The following TNN variants were observed in gnomAD, a reference collection of about 807,000 sequenced individuals.
The protein encoded by TNN is tenascin-N.
A neutral mutation model predicts 134.4 loss-of-function variants in TNN; 122 were observed. The ratio of observed to expected loss-of-function variants is 0.91; its 90% confidence interval spans 0.78 to 1.06. The LOEUF is 1.06. Among genes scored for constraint, TNN ranks in the 50% least tolerant of loss-of-function variants. TNN has a pLI of 0.00. For missense variants in TNN, 1,739 were observed against 1,699.4 expected, an observed-to-expected ratio of 1.02 and a Z score of -0.41; for synonymous variants, 710 against 670.3, an observed-to-expected ratio of 1.06 and a Z score of -0.91.
At chr1:175,082,562 CA>C (rs1178883257) in intron 4 of TNN, among the ~76,000 whole-genome samples, 1 of 152,156 alleles carries the variant, frequency 6.6e-6, no homozygotes, top group Non-Finnish European at 1.5e-5. Flanking sequence ...CAGCACCTGG[CA>C]GATGGAAGCC....
intron 1 of TNN, 132 bp downstream of exon 1, chr1:175,068,067 A>G (rs1279124131): frequency 2.5e-6 from 1 of 403,654 alleles, no homozygotes; most frequent in Non-Finnish European, 5.0e-6. Flanking sequence ...TTAGTCTCCT[A>G]TCACCTCCAT....
At chr1:175,107,201 T>C (rs892997917) in intron 9 of TNN, among the ~76,000 whole-genome samples, 1 of 146,264 alleles carries the variant, frequency 6.8e-6, no homozygotes, top group African/African-American at 2.5e-5. Flanking sequence ...GTGGCGCATC[T>C]GGAGTCTGTC....
chr1:175,133,107 T>C (rs1317257102), intron 15 of TNN, among the ~76,000 whole-genome samples: 1 of 152,232 alleles, frequency 6.6e-6, no homozygotes, highest in East Asian at 1.9e-4. Flanking sequence ...GAATCATTCC[T>C]GAGGTTAGCT....
rs1676021293 is a variant in TNN, at chr1:175,144,612, A to G, written c.3759+62A>G. On this transcript the variant is annotated intron_variant, in intron 18 of 18. Transcript: ENST00000239462. ...ATGTCCATATTCAGCTTCCAAATGG[A>G]CACCCTCCAGGCCAGTCTGGCAGCC... The G allele has an allele frequency of 1.0e-5, 16 of 1,550,420 alleles. 1 individual carries two copies. In the South Asian group the frequency reaches 1.8e-4, roughly 17 times the overall value.
rs1257481662 is a variant in TNN, at chr1:175,077,422, A to C, written c.4A>C (p.Ser2Arg). M[S>R]LQEMFRFPMG... ...TCTGCTCCCTGTCTTTCCAAGGATGAGTCTCCAGGAGATGTTCCGCTTCCC... is the reference window on the plus strand; with the variant it reads ...TCTGCTCCCTGTCTTTCCAAGGATGCGTCTCCAGGAGATGTTCCGCTTCCC... The change falls in exon 2 of 19, where the codon AGT becomes CGT. Residue 2 changes from serine (S) to arginine (R), a missense_variant. Ser to Arg is a moderately radical substitution (Grantham distance 110). Coordinates refer to ENST00000239462, the MANE Select transcript of TNN (RefSeq NM_022093.2). 1 of 1,609,684 alleles carries C rather than the reference A, an allele frequency of 6.2e-7. No individual in the cohort carries two copies. The highest frequency in any genetic ancestry group is 1.1e-5 in the South Asian group (1 of 90,908).
intron 17 of TNN, among the ~76,000 whole-genome samples, chr1:175,140,969 G>A (rs1183220146): frequency 6.6e-6 from 1 of 152,138 alleles, no homozygotes; most frequent in Non-Finnish European, 1.5e-5. Context: ...CTCCCTGCAC[G>A]CACCAGCTCT....
At position 175,116,970 on chromosome 1, in the gene TNN, C is replaced by T. The variant is rs769310859; in HGVS notation, c.2151C>T (p.Asp717=). ...ACAGCCCCCAAAACCTGGTGACCGA[C>T]CGGGTGACAGAGAATATGGCCACTG... is the stretch of plus-strand genomic sequence containing the variant. The part of the protein sequence containing the change: ...DIDSPQNLVT[D]RVTENMATVS... Residue 717 remains aspartate (D), a synonymous_variant, in exon 10 of 19, where the codon GAC becomes GAT. Coordinates refer to ENST00000239462, the MANE Select transcript of TNN (RefSeq NM_022093.2). 10 of 1,614,054 alleles carry T rather than the reference C, an allele frequency of 6.2e-6. No homozygotes were observed. The highest frequency in any genetic ancestry group is 6.8e-6 in the Non-Finnish European group (8 of 1,180,032).
chr1:175,072,926 C>CTTTTTTTTTT (rs60879960), intron 1 of TNN, among the ~76,000 whole-genome samples: 324 of 46,752 alleles, frequency 6.9e-3, no homozygotes, highest in East Asian at 7.9e-3. Flanking sequence ...GAGTCCACGG[C>CTTTTTTTTTT]TTTTTTTTTT....
At position 175,079,517 on chromosome 1, in the gene TNN, C is replaced by T. The variant is rs776756109; in HGVS notation, c.594C>T (p.Gly198=). 4.5e-6 allele frequency: 7 copies of T among 1,562,250 alleles called. No individual in the cohort carries two copies. Among genetic ancestry groups the T allele is most frequent in the Non-Finnish European group, 6.1e-6 (7 of 1,154,534 alleles). ...CHEPYVGADC[G]YPACPENCSG... ...AGCCCTACGTGGGTGCCGACTGCGG[C>T]TACCCGGCCTGCCCTGAGAACTGCA... Residue 198 remains glycine (G), a synonymous_variant, in exon 3 of 19, where the codon GGC becomes GGT. Coordinates refer to ENST00000239462, the MANE Select transcript of TNN (RefSeq NM_022093.2).
chr1:175,142,470 C>CAAAT (rs35440177), intron 17 of TNN, among the ~76,000 whole-genome samples: 120,824 of 151,982 alleles, frequency 0.79, 48,212 homozygotes, highest in Admixed American at 0.84. Flanking sequence ...CCCTAAAAAA[C>CAAAT]AAGTGAAGTT....
chr1:175,090,497 C>T (rs546032156), intron 6 of TNN, among the ~76,000 whole-genome samples: 1 of 152,224 alleles, frequency 6.6e-6, no homozygotes, highest in Admixed American at 6.5e-5. Context: ...TTTTTCATCC[C>T]GTCAGTGCCA....
intron 6 of TNN, 44 bp from the exon 7 acceptor site, chr1:175,093,946 C>A (rs1266204729): frequency 3.2e-6 from 5 of 1,563,098 alleles, no homozygotes; most frequent in African/African-American, 1.3e-5. Context: ...CTTGACTAAC[C>A]AACTGGTTTC....
intron 1 of TNN, among the ~76,000 whole-genome samples, chr1:175,075,366 C>T (rs976310818): frequency 6.6e-6 from 1 of 152,182 alleles, no homozygotes; most frequent in African/African-American, 2.4e-5. Flanking sequence ...GGCATGGTCT[C>T]GGCTCACTGC....
chr1:175,087,773 C>T (rs1234241719), intron 6 of TNN, among the ~76,000 whole-genome samples: 1 of 152,238 alleles, frequency 6.6e-6, no homozygotes, highest in African/African-American at 2.4e-5. Context: ...ACTTTCCTCA[C>T]TTCAGATGCC....
intron 1 of TNN, among the ~76,000 whole-genome samples, chr1:175,075,480 A>T (rs1234401639): frequency 6.6e-6 from 1 of 152,092 alleles, no homozygotes; most frequent in Non-Finnish European, 1.5e-5. Context: ...TGCTTTTAGT[A>T]GAGAAAGGTT....
At chr1:175,085,168 T>G (rs969259949) in intron 5 of TNN, among the ~76,000 whole-genome samples, 4 of 152,248 alleles carry the variant, frequency 2.6e-5, no homozygotes, top group African/African-American at 9.6e-5. Flanking sequence ...TTTCAATTGC[T>G]GTCATCTCAT....
intron 9 of TNN, among the ~76,000 whole-genome samples, chr1:175,112,525 A>G (rs998467177): frequency 6.9e-6 from 1 of 144,282 alleles, no homozygotes; most frequent in African/African-American, 2.6e-5. Flanking sequence ...ATGTGTTTCC[A>G]CAGGTGAAGG....
At chr1:175,120,021 A>C (rs1236992298) in intron 11 of TNN, among the ~76,000 whole-genome samples, 1 of 152,234 alleles carries the variant, frequency 6.6e-6, no homozygotes, top group Non-Finnish European at 1.5e-5. Flanking sequence ...TAAAACCAAT[A>C]TAAAATTCTT....
chr1:175,124,731 T>A (rs2010221), intron 12 of TNN, among the ~76,000 whole-genome samples: 79 of 152,242 alleles, frequency 5.2e-4, no homozygotes, highest in African/African-American at 1.5e-3. Context: ...CTCTCTGTCC[T>A]GGACTCCCTA....
Sources: allele counts gnomAD v4.1 joint callset (sites outside exome capture counted in the v4.1 genomes callset), GRCh38; gene constraint gnomAD v4.1.1; transcripts MANE v1.5; gene names NCBI Gene and HGNC (gene_info 2026-07-23, HGNC 2026-07-21).